Variants in RAD51B observed in about 807,000 individuals in gnomAD.
RAD51B encodes DNA repair protein RAD51 homolog 2.
Under a neutral mutation model 42.2 loss-of-function variants are expected in RAD51B, and 38 were observed. That is an observed-to-expected ratio of 0.90 (90% CI 0.70 to 1.18). RAD51B has a LOEUF of 1.18. Among genes scored for constraint, RAD51B ranks in the 50% most tolerant of loss-of-function variants. RAD51B has a pLI of 0.00. For synonymous variants in RAD51B, 154 were observed against 145.2 expected, an observed-to-expected ratio of 1.06 and a Z score of -0.43; for missense variants, 373 against 400.7, an observed-to-expected ratio of 0.93 and a Z score of 0.59.
At chr14:68,596,253 C>T (rs553349216), downstream of RAD51B, among the ~76,000 whole-genome samples, 4 of 152,178 alleles carry the variant, frequency 2.6e-5, no homozygotes, top group African/African-American at 4.8e-5. Context: ...GGGAATTAAT[C>T]GTACCCAAAC....
intron 7 of RAD51B, among the ~76,000 whole-genome samples, chr14:68,058,263 A>G (rs749708942): frequency 6.6e-6 from 1 of 152,056 alleles, no homozygotes; most frequent in Non-Finnish European, 1.5e-5. Context: ...GTCCCTTTGC[A>G]TTTTTGGTCA....
intron 8 of RAD51B, among the ~76,000 whole-genome samples, chr14:68,365,272 C>T (rs1027418132): frequency 6.6e-6 from 1 of 152,212 alleles, no homozygotes; most frequent in East Asian, 1.9e-4. Context: ...GTGTCTGATT[C>T]GGCTGTCCGG....
intron 8 of RAD51B, among the ~76,000 whole-genome samples, chr14:68,369,379 G>A (rs983685727): frequency 1.3e-5 from 2 of 152,186 alleles, no homozygotes; most frequent in Non-Finnish European, 1.5e-5. Flanking sequence ...CGTCCACTGA[G>A]TTGAATTATG....
intron 10 of RAD51B, among the ~76,000 whole-genome samples, chr14:68,638,268 G>C (rs1892381319): frequency 6.6e-6 from 1 of 152,188 alleles, no homozygotes; most frequent in South Asian, 2.1e-4. Flanking sequence ...TTCTTATTAG[G>C]AGTGGGTGGG....
At chr14:67,880,736 A>G (rs555296871) in intron 5 of RAD51B, among the ~76,000 whole-genome samples, 1 of 152,048 alleles carries the variant, frequency 6.6e-6, no homozygotes, top group East Asian at 1.9e-4. Flanking sequence ...TAATTTTTCA[A>G]TTCGATGTTA....
chr14:68,029,777 C>T (rs2076012206), intron 7 of RAD51B, among the ~76,000 whole-genome samples: 1 of 152,190 alleles, frequency 6.6e-6, no homozygotes, highest in Non-Finnish European at 1.5e-5. Context: ...ATTTGCTGTA[C>T]CCAGATCCAT....
At chr14:68,019,464 A>T (rs1850303654) in intron 7 of RAD51B, among the ~76,000 whole-genome samples, 1 of 152,160 alleles carries the variant, frequency 6.6e-6, no homozygotes, top group South Asian at 2.1e-4. Flanking sequence ...ATGATTTAGG[A>T]GGTACAGTTG....
chr14:67,978,635 C>T (rs183394553), intron 7 of RAD51B, among the ~76,000 whole-genome samples: 1 of 152,330 alleles, frequency 6.6e-6, no homozygotes, highest in East Asian at 1.9e-4. Context: ...AGGAAGAAGT[C>T]TGAGTGTAGC....
chr14:68,430,206 G>C (rs1397090148), intron 9 of RAD51B, among the ~76,000 whole-genome samples: 1 of 152,082 alleles, frequency 6.6e-6, no homozygotes, highest in African/African-American at 2.4e-5. Context: ...TGTTCTTTTG[G>C]CTTAGGATTG....
chr14:68,240,195 T>C (rs1412776170), intron 7 of RAD51B, among the ~76,000 whole-genome samples: 1 of 152,172 alleles, frequency 6.6e-6, no homozygotes, highest in Non-Finnish European at 1.5e-5. Flanking sequence ...ACAGACCTCA[T>C]TGTGTCTATT....
chr14:68,213,598 A>AT (rs2140949172), intron 7 of RAD51B, among the ~76,000 whole-genome samples: 1 of 152,322 alleles, frequency 6.6e-6, no homozygotes, highest in South Asian at 2.1e-4. Context: ...ACTCAATGTG[A>AT]TTCAATACTA....
At chr14:68,584,074 AC>A (rs1890338307) in intron 10 of RAD51B, among the ~76,000 whole-genome samples, 1 of 150,078 alleles carries the variant, frequency 6.7e-6, no homozygotes, top group Admixed American at 6.6e-5. Context: ...GCGCCCCCCC[AC>A]CCCCCATGCT....
intron 9 of RAD51B, among the ~76,000 whole-genome samples, chr14:68,455,074 G>A (rs1264616640): frequency 2.6e-5 from 4 of 151,950 alleles, no homozygotes; most frequent in Non-Finnish European, 4.4e-5. Flanking sequence ...CACACAGGCT[G>A]AAAGATTTAC....
intron 7 of RAD51B, among the ~76,000 whole-genome samples, chr14:68,142,866 G>A (rs2078156878): frequency 6.6e-6 from 1 of 151,994 alleles, no homozygotes; most frequent in African/African-American, 2.4e-5. Context: ...AATTATTGAT[G>A]AGAGTCAGAA....
rs562174574 is a variant in RAD51B, at chr14:67,861,086, G to A, written c.316-3917G>A. ...TGTGTGCCTGTAGTTCCAGCCGCTT[G>A]AGTGGTGGAGGTGGGAGGATTGCTT... On this transcript the variant is annotated intron_variant, in intron 4 of 10. Transcript: ENST00000471583. Among the ~76,000 whole-genome samples the A allele has an allele frequency of 2.6e-5, 4 of 152,206 alleles. No homozygotes were observed. In the South Asian group the frequency reaches 8.3e-4, roughly 32 times the overall value.
chr14:68,018,777 T>TA (rs1462246727), intron 7 of RAD51B, among the ~76,000 whole-genome samples: 1 of 152,208 alleles, frequency 6.6e-6, no homozygotes, highest in Non-Finnish European at 1.5e-5. Context: ...TTCAGCTTTT[T>TA]ATGTGTCTGG....
intron 7 of RAD51B, among the ~76,000 whole-genome samples, chr14:67,990,642 T>C (rs561713087): frequency 5.3e-5 from 8 of 152,196 alleles, no homozygotes; most frequent in East Asian, 3.9e-4. Context: ...ACTAAAAATA[T>C]ACAAATACAA....
At chr14:68,525,948 A>G (rs1886900622) in intron 10 of RAD51B, among the ~76,000 whole-genome samples, 1 of 152,206 alleles carries the variant, frequency 6.6e-6, no homozygotes, top group Admixed American at 6.5e-5. Flanking sequence ...ATTCCATCAC[A>G]TGAACATCCA....
intron 10 of RAD51B, among the ~76,000 whole-genome samples, chr14:68,508,352 A>C (rs1451596124): frequency 6.6e-6 from 1 of 152,146 alleles, no homozygotes; most frequent in Admixed American, 6.5e-5. Context: ...GGTGCTGCCT[A>C]AAGTTCAAGG....
Sources: allele counts gnomAD v4.1 joint callset (sites outside exome capture counted in the v4.1 genomes callset), GRCh38; gene constraint gnomAD v4.1.1; transcripts MANE v1.5; gene names NCBI Gene and HGNC (gene_info 2026-07-23, HGNC 2026-07-21).